GNG7: variants seen among roughly 807,000 people sequenced by gnomAD.
GNG7 encodes G protein subunit gamma 7.
Under a neutral mutation model 4.0 loss-of-function variants are expected in GNG7, and 1 was observed. The ratio of observed to expected loss-of-function variants is 0.25; its 90% CI spans 0.09 to 1.18. GNG7 has a LOEUF of 1.18. Ranked by LOEUF, GNG7 falls within the 50% of genes most tolerant of loss-of-function variation. GNG7 has a pLI of 0.50. For missense variants in GNG7, 86 were observed against 91.9 expected (o/e 0.94, Z 0.26); for synonymous variants, 34 against 36.9 (o/e 0.92, Z 0.29).
chr19:2,683,226 A>G (rs996670482), intron 1 of GNG7, among the ~76,000 whole-genome samples: 84 of 145,890 alleles, frequency 5.8e-4, no homozygotes, highest in African/African-American at 2.1e-3. Context: ...GCGACAGAGA[A>G]AGACTCCGTC....
intron 1 of GNG7, among the ~76,000 whole-genome samples, chr19:2,652,911 T>TA (rs1197567991): frequency 6.6e-6 from 1 of 151,740 alleles, no homozygotes; most frequent in East Asian, 1.9e-4. Flanking sequence ...AGCAAGACCC[T>TA]AGGCCAGAAG....
rs191322882 is a variant in GNG7 at position 2,580,192 on chromosome 19, G to A, written c.-77-25004C>T. 5.9e-5 allele frequency among the ~76,000 whole-genome samples: 9 copies of A among 152,160 alleles called. No homozygotes were observed. The East Asian group carries it at 7.7e-4, about 13-fold the overall frequency. On this transcript the variant is annotated intron_variant, in intron 2 of 4. Transcript: ENST00000382159. ...CCTACCAGTCCCAGTCCTGGCCCCC[G>A]ACATTGGTCCCGGCCTGGCCTGCTC...
At position 2,617,054 on chromosome 19, in the gene GNG7, G is replaced by A. The variant is rs62123731; in HGVS notation, c.-78+29170C>T. ...GTGTGCTGCCCAGCACGTGACTATC[G>A]GAAAAACTTTAGCTTATTTCAGCCT... On this transcript the variant is annotated intron_variant, in intron 2 of 4. Transcript: ENST00000382159. The surrounding 1 kb of genome is among the most constrained non-coding windows in gnomAD (Gnocchi z 4.7). Among the ~76,000 whole-genome samples the A allele has an allele frequency of 0.034, 5,151 of 152,276 alleles. 114 individuals carry two copies. The highest frequency in any genetic ancestry group is 0.042 in the African/African-American group (1,759 of 41,578).
intron 2 of GNG7, among the ~76,000 whole-genome samples, chr19:2,622,547 G>A (rs955929462): frequency 6.6e-6 from 1 of 152,036 alleles, no homozygotes; most frequent in Admixed American, 6.5e-5. Context: ...CAGAGAGGGG[G>A]CTTCCGGGAA....
At chr19:2,684,297 C>T (rs1433717734) in intron 1 of GNG7, among the ~76,000 whole-genome samples, 1 of 151,778 alleles carries the variant, frequency 6.6e-6, no homozygotes, top group African/African-American at 2.4e-5. Flanking sequence ...CCACCACGCC[C>T]GGATAATTTT....
chr19:2,568,676 T>C (rs1300998598), intron 2 of GNG7, among the ~76,000 whole-genome samples: 1 of 148,514 alleles, frequency 6.7e-6, no homozygotes, highest in East Asian at 2.0e-4. Context: ...CACATACACA[T>C]ATATACACAT....
At chr19:2,547,651 C>G (rs1393308937) in intron 3 of GNG7, among the ~76,000 whole-genome samples, 2 of 152,198 alleles carry the variant, frequency 1.3e-5, no homozygotes. Context: ...TCTTTGAGGC[C>G]TTTGTTCTGC....
chr19:2,567,431 C>A (rs1015024515), intron 2 of GNG7, among the ~76,000 whole-genome samples: 2 of 151,388 alleles, frequency 1.3e-5, no homozygotes, highest in African/African-American at 4.9e-5. Context: ...GCTCAAGCGA[C>A]CTCCCTGCCT....
At chr19:2,560,520 G>A (rs544932314) in intron 2 of GNG7, among the ~76,000 whole-genome samples, 5 of 152,124 alleles carry the variant, frequency 3.3e-5, no homozygotes, top group African/African-American at 9.6e-5. Context: ...GACCCTGGGC[G>A]GTGGCTGGGG....
At chr19:2,545,819 G>A (rs1005765759) in intron 3 of GNG7, among the ~76,000 whole-genome samples, 3 of 151,724 alleles carry the variant, frequency 2.0e-5, no homozygotes, top group Non-Finnish European at 4.4e-5. Flanking sequence ...AGCCGTGAGT[G>A]GTGGTGGGCA....
chr19:2,696,317 A>C (rs952749669), intron 1 of GNG7, among the ~76,000 whole-genome samples: 3 of 145,194 alleles, frequency 2.1e-5, no homozygotes, highest in Admixed American at 1.3e-4. Context: ...AAAGAAAGAA[A>C]GAAAGAAAGA....
chr19:2,522,800 C>T (rs1308063056), intron 3 of GNG7, among the ~76,000 whole-genome samples: 1 of 147,188 alleles, frequency 6.8e-6, no homozygotes, highest in Non-Finnish European at 1.5e-5. Context: ...ACCATCCATG[C>T]ATACCACACC....
Position 2,515,126 on chromosome 19 carries a change from G to A in GNG7, c.103C>T (p.Leu35Phe). 1.9e-6 allele frequency: 3 copies of A among 1,613,960 alleles called. No individual in the cohort carries two copies. The highest frequency in any genetic ancestry group is 2.5e-6 in the Non-Finnish European group (3 of 1,179,942). The change falls in exon 5 of 5, where the codon CTC becomes TTC. Residue 35 changes from leucine (L) to phenylalanine (F), a missense_variant. Physicochemically the swap from Leu to Phe is conservative, Grantham distance 22. Transcript: ENST00000382159. The stretch of plus-strand genomic sequence containing the variant: ...GCATGTTGCTCACAGTAGCTCATGA[G>A]GTCAGACGCCGCTTTGGAGACCTGT... The part of the protein sequence containing the change: ...RIKVSKAASD[L>F]MSYCEQHARN...
chr19:2,648,260 G>T (rs1327897522), intron 1 of GNG7, among the ~76,000 whole-genome samples: 1 of 151,732 alleles, frequency 6.6e-6, no homozygotes, highest in East Asian at 1.9e-4. Flanking sequence ...GCTGGGCATG[G>T]TGGTGCAAAC....
Position 2,512,788 on chromosome 19 carries a change from A to C in GNG7, c.*2234T>G. On this transcript the variant is annotated 3_prime_UTR_variant, in exon 5 of 5. Transcript: ENST00000382159. This position sits in a 1 kb window ranked among gnomAD's most constrained non-coding sequence, Gnocchi z 4.7. ...TGGGGTGTGTTTGTTCCCAGTTACC[A>C]AGATGGCTTGTTGGAAAGGGTGGAG... The C allele has an allele frequency of 3.6e-6, 2 of 558,882 alleles. No homozygotes were observed. The highest frequency in any genetic ancestry group is 4.5e-6 in the Non-Finnish European group (2 of 440,226). The allele number at this position is 558,882 out of a possible 1,614,324, so 34.6% of individuals were successfully genotyped here.
intron 3 of GNG7, among the ~76,000 whole-genome samples, chr19:2,537,184 C>T (rs901392131): frequency 4.6e-5 from 7 of 151,956 alleles, no homozygotes; most frequent in Non-Finnish European, 1.0e-4. Context: ...CTCCTGACCT[C>T]GTGATCCGCC....
Position 2,567,548 on chromosome 19 carries a change from G to C in GNG7, c.-77-12360C>G, listed in dbSNP as rs542606200. 2.0e-5 allele frequency among the ~76,000 whole-genome samples: 3 copies of C among 152,116 alleles called. No homozygotes were observed. The South Asian group carries it at 6.2e-4, about 32-fold the overall frequency. On this transcript the variant is annotated intron_variant, in intron 2 of 4. Transcript: ENST00000382159. ...GCCATTTTGCCCAGGCTGGTCTTGA[G>C]CTCCTGAGCTCAAGCGATCGTCCCA...
At chr19:2,542,391 C>T (rs1239411656) in intron 3 of GNG7, among the ~76,000 whole-genome samples, 1 of 152,074 alleles carries the variant, frequency 6.6e-6, no homozygotes, top group Non-Finnish European at 1.5e-5. Context: ...GCTGGGATTA[C>T]AGGTGCGAGT....
rs553039791 is a variant in GNG7, at chr19:2,603,974, C to T, written c.-78+42250G>A. Reference sequence around the variant, plus strand: ...CACGCCATTCTCCTGCCTCAGCCTCCTGAGTAGCTGGGACTACAGGCGCCC... The same window carrying T: ...CACGCCATTCTCCTGCCTCAGCCTCTTGAGTAGCTGGGACTACAGGCGCCC... On this transcript the variant is annotated intron_variant, in intron 2 of 4. Coordinates refer to ENST00000382159, the MANE Select transcript of GNG7 (RefSeq NM_052847.3). 8.5e-5 allele frequency among the ~76,000 whole-genome samples: 13 copies of T among 152,128 alleles called. No homozygotes were observed. In the South Asian group the frequency reaches 2.5e-3, roughly 29 times the overall value.
Sources: allele counts gnomAD v4.1 joint callset (sites outside exome capture counted in the v4.1 genomes callset), GRCh38; gene constraint gnomAD v4.1.1; non-coding constraint Gnocchi (gnomAD v3.1); transcripts MANE v1.5; gene names NCBI Gene and HGNC (gene_info 2026-07-23, HGNC 2026-07-21).